ARHGEF28: variants seen among roughly 807,000 people sequenced by gnomAD.
ARHGEF28 encodes the protein 190 kDa guanine nucleotide exchange factor.
In ARHGEF28, 152 loss-of-function variants were observed where a neutral mutation model predicts 206.6. The observed-to-expected ratio is 0.74, with a 90% confidence interval of 0.64 to 0.84. ARHGEF28 has a LOEUF of 0.84. Among genes scored for constraint, ARHGEF28 ranks in the 40% least tolerant of loss-of-function variants. The pLI is 0.00. For missense variants in ARHGEF28, 2,028 were observed against 2,073.2 expected, an observed-to-expected ratio of 0.98 and a Z score of 0.42; for synonymous variants, 763 against 776.4, an observed-to-expected ratio of 0.98 and a Z score of 0.29.
chr5:73,887,361 T>C (rs769330825), intron 25 of ARHGEF28: 12 of 331,552 alleles, frequency 3.6e-5, no homozygotes, highest in Non-Finnish European at 6.0e-5. Flanking sequence ...TTTTCTTCTG[T>C]TTTGAAAGTG....
chr5:73,744,278 G>C (rs551010415), intron 2 of ARHGEF28, among the ~76,000 whole-genome samples: 7 of 152,046 alleles, frequency 4.6e-5, no homozygotes, highest in Non-Finnish European at 7.4e-5. Flanking sequence ...TTGTGCCCAC[G>C]GTGCTTCCTT....
intron 9 of ARHGEF28, among the ~76,000 whole-genome samples, chr5:73,817,829 A>G (rs1756319271): frequency 6.6e-6 from 1 of 152,092 alleles, no homozygotes; most frequent in Non-Finnish European, 1.5e-5. Context: ...GTAAACTTCA[A>G]TGGGTAGCTA....
chr5:73,654,750 C>G (rs1745073349), intron 1 of ARHGEF28, among the ~76,000 whole-genome samples: 1 of 152,234 alleles, frequency 6.6e-6, no homozygotes, highest in Non-Finnish European at 1.5e-5. Flanking sequence ...GATACAGATT[C>G]ATCATGGTGT....
intron 2 of ARHGEF28, among the ~76,000 whole-genome samples, chr5:73,748,001 G>C (rs185074838): frequency 2.6e-5 from 4 of 152,158 alleles, no homozygotes; most frequent in Admixed American, 2.6e-4. Flanking sequence ...GAAAATTTTT[G>C]ATCTGTTTAT....
chr5:73,888,425 T>A (rs1034842614), intron 26 of ARHGEF28, among the ~76,000 whole-genome samples: 2 of 152,224 alleles, frequency 1.3e-5, no homozygotes, highest in Non-Finnish European at 2.9e-5. Context: ...AGCTTCTCAA[T>A]GCTGTTACCT....
chr5:73,705,816 C>T (rs1748896159), intron 2 of ARHGEF28, among the ~76,000 whole-genome samples: 1 of 152,144 alleles, frequency 6.6e-6, no homozygotes, highest in Non-Finnish European at 1.5e-5. Flanking sequence ...ACCATGTTGT[C>T]ATCTCAAATG....
intron 1 of ARHGEF28, among the ~76,000 whole-genome samples, chr5:73,683,150 A>G (rs1580477991): frequency 6.6e-6 from 1 of 152,234 alleles, no homozygotes; most frequent in East Asian, 1.9e-4. Context: ...GTAGGAAACA[A>G]GTTTCTAAGT....
chr5:73,880,289 T>C (rs138336720), intron 22 of ARHGEF28, among the ~76,000 whole-genome samples: 8 of 152,306 alleles, frequency 5.3e-5, no homozygotes, highest in Middle Eastern at 3.4e-3. Context: ...AAAAGCGCAG[T>C]ATTCTGGTGG....
rs548555836 is a variant in ARHGEF28, at chr5:73,882,058, A to G, written c.2815-414A>G. Among the ~76,000 whole-genome samples the G allele has an allele frequency of 6.2e-5, 9 of 145,438 alleles. No individual in the cohort carries two copies. In the South Asian group the frequency reaches 1.8e-3, roughly 28 times the overall value. ...ATTTTTTTGGGGGGGAGGTTAGCCA[A>G]AGTAAATGTCAAATGAGTGATTTTT... is the stretch of plus-strand genomic sequence containing the variant. On this transcript the variant is annotated intron_variant, in intron 22 of 35. Transcript: ENST00000513042.
chr5:73,683,209 A>G (rs1241700230), intron 1 of ARHGEF28, among the ~76,000 whole-genome samples: 2 of 152,178 alleles, frequency 1.3e-5, no homozygotes, highest in African/African-American at 4.8e-5. Context: ...TAGACAACAT[A>G]AAATTTACCA....
In ARHGEF28 at chr5:73,909,548, A is replaced by G. The variant is rs1224480862; in HGVS notation, c.4298A>G (p.Gln1433Arg). The G allele has an allele frequency of 1.3e-6, 2 of 1,581,064 alleles. No homozygotes were observed. Among genetic ancestry groups the G allele is most frequent in the South Asian group, 1.1e-5 (1 of 87,114 alleles). ...QDQKSRDADR[Q>R]HEELANVHQL... ...CAGAAGTCTCGCGACGCGGACAGGC[A>G]GCATGAGGAGCTGGCCAATGTGCAC... is the stretch of plus-strand genomic sequence containing the variant. The change falls in exon 34 of 36, where the codon CAG becomes CGG. Residue 1433 changes from glutamine (Q) to arginine (R), a missense_variant. Around this residue, in one of 3 missense-constraint regions of ARHGEF28, gnomAD observed 803 missense variants for 768.0 expected, o/e 1.05. Coordinates refer to ENST00000513042, the MANE Select transcript of ARHGEF28 (RefSeq NM_001177693.2).
intron 6 of ARHGEF28, among the ~76,000 whole-genome samples, chr5:73,777,850 G>A (rs56248374): frequency 3.3e-5 from 5 of 152,108 alleles, no homozygotes; most frequent in Non-Finnish European, 7.4e-5. Context: ...GGTAGCCGAG[G>A]TGGGTGGATC....
intron 1 of ARHGEF28, among the ~76,000 whole-genome samples, chr5:73,658,985 A>ACACACACG (rs1176613359): frequency 2.8e-4 from 40 of 142,066 alleles, no homozygotes; most frequent in Admixed American, 7.5e-4. Context: ...ACACACACAC[A>ACACACACG]CACACACACA....
At chr5:73,707,771 TA>T (rs1180750394) in intron 2 of ARHGEF28, among the ~76,000 whole-genome samples, 1 of 152,166 alleles carries the variant, frequency 6.6e-6, no homozygotes, top group Non-Finnish European at 1.5e-5. Context: ...CTAATTAAGC[TA>T]AATACAAAGA....
chr5:73,758,792 A>G (rs1027752722), intron 4 of ARHGEF28, among the ~76,000 whole-genome samples: 3 of 152,148 alleles, frequency 2.0e-5, no homozygotes, highest in African/African-American at 7.2e-5. Context: ...ACCTCAAGTG[A>G]TTCACCCACC....
At chr5:73,825,045 A>G (rs1291930797) in intron 9 of ARHGEF28, among the ~76,000 whole-genome samples, 1 of 152,188 alleles carries the variant, frequency 6.6e-6, no homozygotes, top group African/African-American at 2.4e-5. Context: ...TCTTCAGTGA[A>G]TATTCATTAT....
chr5:73,838,934 G>A (rs1757822416), intron 10 of ARHGEF28, among the ~76,000 whole-genome samples: 1 of 152,182 alleles, frequency 6.6e-6, no homozygotes, highest in South Asian at 2.1e-4. Context: ...TTGTGTCTCT[G>A]TAGTCTCCTT....
In ARHGEF28 at chr5:73,857,297, G is replaced by C. The variant is rs567630427; in HGVS notation, c.1791-359G>C. ...TTACTAGCATAGTAAACAGGAAGTT[G>C]AGTGTTTTCAGGGTAAAATTATAAG... On this transcript the variant is annotated intron_variant, in intron 14 of 35. Coordinates refer to ENST00000513042, the MANE Select transcript of ARHGEF28 (RefSeq NM_001177693.2). Among the ~76,000 whole-genome samples, 6 of 152,244 alleles carry C rather than the reference G, an allele frequency of 3.9e-5. No homozygotes were observed. The East Asian group carries it at 1.2e-3, about 29-fold the overall frequency.
At chr5:73,687,727 C>G (rs569406175) in intron 2 of ARHGEF28, among the ~76,000 whole-genome samples, 3 of 151,478 alleles carry the variant, frequency 2.0e-5, no homozygotes, top group Admixed American at 6.6e-5. Flanking sequence ...AATATTTTTT[C>G]TTATTTATAT....
Sources: gnomAD v4.1 joint callset for allele counts (sites outside exome capture counted in the v4.1 genomes callset) on GRCh38, gnomAD v4.1.1 for gene constraint, gnomAD v4.1.1 regional missense constraint, MANE v1.5 for transcripts, NCBI Gene and HGNC (gene_info 2026-07-23, HGNC 2026-07-21) for gene names.